The following CSRNP1 variants were observed in gnomAD, a reference collection of about 807,000 sequenced individuals.
CSRNP1 encodes the protein cysteine and serine rich nuclear protein 1.
A neutral mutation model predicts 25.0 loss-of-function variants in CSRNP1; 8 were observed. The observed-to-expected ratio is 0.32, with a 90% confidence interval of 0.19 to 0.58. The LOEUF (loss-of-function observed/expected upper bound fraction) is 0.58, where lower values mean the gene tolerates loss of function less well. Ranked by LOEUF, CSRNP1 falls within the 20% of genes least tolerant of loss-of-function variation. The pLI is 0.88. For missense variants in CSRNP1, 691 were observed against 773.1 expected, an observed-to-expected ratio of 0.89 and a Z score of 1.26; for synonymous variants, 305 against 303.1, an observed-to-expected ratio of 1.01 and a Z score of -0.06.
At chr3:39,145,370 C>T in intron 2 of CSRNP1, 114 bp from the exon 3 acceptor site, 1 of 1,281,318 alleles carries the variant, frequency 7.8e-7, no homozygotes, top group Non-Finnish European at 1.1e-6. Context: ...TCCTCCCTCT[C>T]CACCCATTTT....
chr3:39,149,166 TG>T, intron 1 of CSRNP1: 1 of 149,132 alleles, frequency 6.7e-6, no homozygotes, highest in African/African-American at 2.5e-5. Flanking sequence ...ACGACACAGA[TG>T]CATCTCACAG....
At chr3:39,146,130 A>G (rs2039506245) in intron 2 of CSRNP1, among the ~76,000 whole-genome samples, 1 of 152,182 alleles carries the variant, frequency 6.6e-6, no homozygotes, top group African/African-American at 2.4e-5. Flanking sequence ...CGTGGCAGAG[A>G]AGCATGGGGC....
In CSRNP1 at chr3:39,142,718, G is replaced by T; in HGVS notation, c.*337C>A. ...CCTGTCTCACCGTCTTTGGGCTAAG[G>T]AACATCACGCAAAGACCGAAAAGTG... On this transcript the variant is annotated 3_prime_UTR_variant, in exon 5 of 5. Coordinates refer to ENST00000273153, the MANE Select transcript of CSRNP1 (RefSeq NM_033027.4). 4.6e-6 allele frequency: 1 copy of T among 217,084 alleles called. No individual in the cohort carries two copies. The highest frequency in any genetic ancestry group is 9.2e-6 in the Non-Finnish European group (1 of 108,538). 13.4% of individuals were successfully genotyped at this position (217,084 alleles called of 1,614,324 possible). A position where few individuals can be genotyped will look rare whatever the true frequency, so the allele number is the denominator to read the frequency against.
In CSRNP1 at chr3:39,143,037, G is replaced by GA. The variant is rs766093888; in HGVS notation, c.*17dup. ...GCAGCAACAGGTCTCTTGGGGCTGG[G>GA]AAAAGACATCCTGGTCCTCACACCG... On this transcript the variant is annotated 3_prime_UTR_variant, in exon 5 of 5. Coordinates refer to ENST00000273153, the MANE Select transcript of CSRNP1 (RefSeq NM_033027.4). 4.4e-4 allele frequency: 670 copies of GA among 1,537,456 alleles called. No individual in the cohort carries two copies. Among genetic ancestry groups the GA allele is most frequent in the Non-Finnish European group, 5.4e-4 (612 of 1,141,854 alleles).
In CSRNP1 at chr3:39,146,467, G is replaced by A; in HGVS notation, c.205+11C>T. The A allele has an allele frequency of 6.6e-7, 1 of 1,526,316 alleles. No individual in the cohort carries two copies. The highest frequency in any genetic ancestry group is 2.1e-5 in the Admixed American group (1 of 48,102). The allele number at this position is 1,526,316 out of a possible 1,614,324, so 94.5% of individuals were successfully genotyped here. A position where few individuals can be genotyped will look rare whatever the true frequency, so the allele number is the denominator to read the frequency against. ...GCAGGTGATGGAGTTCCCAGGGGAG[G>A]GAGTACTCACGGGTGAAACTTCTGG... is the stretch of plus-strand genomic sequence containing the variant. On this transcript the variant is annotated intron_variant, in intron 2 of 4. Coordinates refer to ENST00000273153, the MANE Select transcript of CSRNP1 (RefSeq NM_033027.4).
At chr3:39,146,390 G>T (rs916722915) in intron 2 of CSRNP1, 88 bp downstream of exon 2, 8 of 1,443,242 alleles carry the variant, frequency 5.5e-6, no homozygotes, top group Non-Finnish European at 7.3e-6. Context: ...AACCACCAGA[G>T]GCCAAAGGCA....
chr3:39,144,460 A>C lies in CSRNP1; in HGVS notation c.466-9T>G. The C allele has an allele frequency of 1.3e-6, 2 of 1,593,440 alleles. No individual in the cohort carries two copies. The highest frequency in any genetic ancestry group is 1.7e-6 in the Non-Finnish European group (2 of 1,170,328). ...ACCCCAGCTGCCGAAAGCTGCATCC[A>C]CAGGAAAGAGGGATGTAAGAAGCAC... On this transcript the variant is annotated splice_polypyrimidine_tract_variant and intron_variant, in intron 3 of 4. Transcript: ENST00000273153.
At chr3:39,144,570 G>T in intron 3 of CSRNP1, 119 bp from the exon 4 acceptor site, 2 of 970,772 alleles carry the variant, frequency 2.1e-6, no homozygotes, top group Non-Finnish European at 3.0e-6. Flanking sequence ...CTTAATCTGC[G>T]ATGGGCACTG....
Position 39,144,314 on chromosome 3 carries a change from G to C in CSRNP1, c.603C>G (p.Pro201=), listed in dbSNP as rs2125885345. ...GRLEEVSFLQ[P]YPARRRRALL... ...GAGCTCGACGTCGCCGGGCTGGGTA[G>C]GGCTGTAGGAAGCTCACTTCTTCCA... Residue 201 remains proline (P), a synonymous_variant, in exon 4 of 5, where the codon CCC becomes CCG. Transcript: ENST00000273153. The C allele has an allele frequency of 3.7e-6, 6 of 1,614,146 alleles. No homozygotes were observed. The highest frequency in any genetic ancestry group is 5.1e-6 in the Non-Finnish European group (6 of 1,180,048).
intron 1 of CSRNP1, 28 bp from the exon 2 acceptor site, chr3:39,146,750 TGGCA>T: frequency 6.5e-7 from 1 of 1,529,694 alleles, no homozygotes. Context: ...AGGCTCTAAG[TGGCA>T]GGCAGGCAGC....
intron 1 of CSRNP1, chr3:39,150,043 C>T (rs558654046): frequency 6.6e-5 from 10 of 152,214 alleles, no homozygotes; most frequent in Non-Finnish European, 2.9e-5. Flanking sequence ...TGGTCTCCCT[C>T]TCCAACATGT....
chr3:39,145,122 C>T lies in CSRNP1; in HGVS notation c.340G>A (p.Ala114Thr). 2 of 1,614,274 alleles carry T rather than the reference C, an allele frequency of 1.2e-6. No homozygotes were observed. The highest frequency in any genetic ancestry group is 1.7e-6 in the Non-Finnish European group (2 of 1,180,056). ...PSRGGCTLGM[A>T]LRHSACRRFS... is the part of the protein sequence containing the mutation. ...CGACGGCAAGCACTGTGGCGAAGGG[C>T]CATACCCAGAGTACAGCCACCACGG... Residue 114 changes from alanine (A) to threonine (T), a missense_variant, in exon 3 of 5, where the codon GCC becomes ACC. Transcript: ENST00000273153.
intron 1 of CSRNP1, 197 bp downstream of exon 1, chr3:39,153,241 T>G (rs1208426090): frequency 6.6e-6 from 1 of 151,486 alleles, no homozygotes; most frequent in Non-Finnish European, 1.5e-5. Context: ...GCAGAAAACC[T>G]GCGACTCCCG....
Position 39,142,956 on chromosome 3 carries a change from G to T in CSRNP1, c.*99C>A. 7.2e-7 allele frequency: 1 copy of T among 1,381,806 alleles called. No individual in the cohort carries two copies. The highest frequency in any genetic ancestry group is 1.4e-5 in the South Asian group (1 of 69,498). 85.6% of individuals were successfully genotyped at this position (1,381,806 alleles called of 1,614,324 possible). Reference sequence around the variant, plus strand: ...GTGTGCACATGGCACCTGTGGGTGAGCCAGCCAGTGGGAGACTGTTACGCA... The same window carrying T: ...GTGTGCACATGGCACCTGTGGGTGATCCAGCCAGTGGGAGACTGTTACGCA... On this transcript the variant is annotated 3_prime_UTR_variant, in exon 5 of 5. Transcript: ENST00000273153.
chr3:39,153,429 G>A lies in CSRNP1; in HGVS notation c.-41+9C>T. 3.2e-6 allele frequency: 1 copy of A among 315,194 alleles called. No homozygotes were observed. Among genetic ancestry groups the A allele is most frequent in the Non-Finnish European group, 6.6e-6 (1 of 151,060 alleles). The allele number at this position is 315,194 out of a possible 1,614,324, so 19.5% of individuals were successfully genotyped here. ...CGTCCTGCCGGGCCCGAGGCCCCTC[G>A]GCGCTCACCTGCAATCCGGACGCTC... On this transcript the variant is annotated intron_variant, in intron 1 of 4. Coordinates refer to ENST00000273153, the MANE Select transcript of CSRNP1 (RefSeq NM_033027.4).
intron 2 of CSRNP1, 53 bp from the exon 3 acceptor site, chr3:39,145,309 T>C: frequency 6.6e-7 from 1 of 1,512,938 alleles, no homozygotes; most frequent in Non-Finnish European, 8.9e-7. Flanking sequence ...AGGCACAACT[T>C]ACCTCCAAAA....
At position 39,146,562 on chromosome 3, in the gene CSRNP1, G is replaced by T; in HGVS notation, c.121C>A (p.Arg41Ser). ...CCTTCCTCCTCTGAGTCCCAGGCAC[G>T]GGAGACAGAAGAGCTTGGGGAGCAG... is the stretch of plus-strand genomic sequence containing the variant. ...RSCSPSSSVS[R>S]AWDSEEEGPW... is the part of the protein sequence containing the mutation. The change falls in exon 2 of 5, where the codon CGT becomes AGT. Residue 41 changes from arginine to serine, a missense_variant. Transcript: ENST00000273153. 6.4e-7 allele frequency: 1 copy of T among 1,554,328 alleles called. No individual in the cohort carries two copies. Among genetic ancestry groups the T allele is most frequent in the Non-Finnish European group, 8.7e-7 (1 of 1,148,430 alleles).
intron 1 of CSRNP1, among the ~76,000 whole-genome samples, chr3:39,147,435 C>T (rs935268890): frequency 2.0e-5 from 3 of 152,224 alleles, no homozygotes; most frequent in Middle Eastern, 3.4e-3. Context: ...CATTCCTAGA[C>T]GGAGTAGTTT....
chr3:39,144,874 A>T, intron 3 of CSRNP1, 123 bp downstream of exon 3: 1 of 1,171,836 alleles, frequency 8.5e-7, no homozygotes, highest in Non-Finnish European at 1.2e-6. Context: ...CACCAGGCCC[A>T]CAGGCCTGTT....
Sources: gnomAD v4.1 joint callset for allele counts (sites outside exome capture counted in the v4.1 genomes callset) on GRCh38, gnomAD v4.1.1 for gene constraint, MANE v1.5 for transcripts, NCBI Gene and HGNC (gene_info 2026-07-23, HGNC 2026-07-21) for gene names.